The following RIMS2 variants were observed in gnomAD, a reference collection of about 807,000 sequenced individuals.
The protein encoded by RIMS2 is regulating synaptic membrane exocytosis 2, also known as regulating synaptic membrane exocytosis protein 2.
RIMS2 carries 59 observed loss-of-function variants against 174.4 expected under a neutral mutation model. The observed-to-expected ratio is 0.34, with a 90% CI of 0.27 to 0.42. RIMS2 has a LOEUF of 0.42. Among genes scored for constraint, RIMS2 ranks in the 10% least tolerant of loss-of-function variants. RIMS2 has a pLI of 1.00. For missense variants in RIMS2, 1,620 were observed against 1,666.3 expected (o/e 0.97, Z 0.48); for synonymous variants, 606 against 572.5 (o/e 1.06, Z -0.84).
At chr8:104,001,623 T>C (rs925477070) in intron 17 of RIMS2, among the ~76,000 whole-genome samples, 1 of 151,980 alleles carries the variant, frequency 6.6e-6, no homozygotes, top group African/African-American at 2.4e-5. Flanking sequence ...TTTTATCTTT[T>C]TTAAGGGACT....
chr8:103,586,707 C>A (rs908360457), intron 1 of RIMS2, among the ~76,000 whole-genome samples: 1 of 151,684 alleles, frequency 6.6e-6, no homozygotes, highest in African/African-American at 2.4e-5. Flanking sequence ...GCACACTGAA[C>A]CCAAAATTTG....
chr8:103,602,675 G>C (rs919064687), intron 1 of RIMS2, among the ~76,000 whole-genome samples: 2 of 152,186 alleles, frequency 1.3e-5, no homozygotes, highest in Admixed American at 1.3e-4. Context: ...TGGTGTATAT[G>C]TTCTACACTT....
intron 19 of RIMS2, chr8:104,093,576 T>G: frequency 6.3e-7 from 1 of 1,597,554 alleles, no homozygotes; most frequent in Non-Finnish European, 8.5e-7. Context: ...TAGTAGTGCT[T>G]CTCGTTTCAG....
chr8:103,956,610 T>C (rs557031806), intron 14 of RIMS2, among the ~76,000 whole-genome samples: 65 of 152,286 alleles, frequency 4.3e-4, no homozygotes, highest in African/African-American at 1.6e-3. Context: ...TCAAGATGGA[T>C]TAAAGACTTA....
At chr8:103,931,972 C>T (rs750475440) in intron 12 of RIMS2, among the ~76,000 whole-genome samples, 4 of 151,820 alleles carry the variant, frequency 2.6e-5, no homozygotes, top group Non-Finnish European at 5.9e-5. Context: ...ATTGTTCTAC[C>T]CTTATTTTTT....
intron 3 of RIMS2, among the ~76,000 whole-genome samples, chr8:103,867,634 G>C (rs1268296565): frequency 1.3e-5 from 2 of 151,804 alleles, no homozygotes; most frequent in African/African-American, 4.8e-5. Context: ...AAAATTAGTT[G>C]TTCTACTTAT....
intron 3 of RIMS2, among the ~76,000 whole-genome samples, chr8:103,816,038 A>G (rs2098716134): frequency 6.6e-6 from 1 of 152,162 alleles, no homozygotes; most frequent in African/African-American, 2.4e-5. Context: ...GTTCTGACAG[A>G]AGTCTCCAAT....
chr8:103,569,797 T>C (rs540041970), intron 1 of RIMS2, among the ~76,000 whole-genome samples: 1 of 151,862 alleles, frequency 6.6e-6, no homozygotes, highest in Admixed American at 6.6e-5. Context: ...TAATTTTTTT[T>C]TTTTTTTTGG....
At chr8:103,997,930 A>G (rs745346633) in intron 17 of RIMS2, among the ~76,000 whole-genome samples, 1 of 151,680 alleles carries the variant, frequency 6.6e-6, no homozygotes, top group Non-Finnish European at 1.5e-5. Context: ...AGGTGGTGCT[A>G]AAGATGTTTG....
chr8:103,850,514 A>C lies in RIMS2; in HGVS notation c.699-34784A>C, dbSNP rs185983941. Reference sequence around the variant, plus strand: ...TGTCTGATAGGAAGGATCATCTTCCAATGTAGCTCCTTGGTGCCTGTTTAG... The same window carrying C: ...TGTCTGATAGGAAGGATCATCTTCCCATGTAGCTCCTTGGTGCCTGTTTAG... On this transcript the variant is annotated intron_variant, in intron 3 of 23. Coordinates refer to ENST00000504942, the Ensembl canonical transcript of RIMS2. Among the ~76,000 whole-genome samples, 235 of 152,100 alleles carry C rather than the reference A, an allele frequency of 1.5e-3. 2 individuals are homozygous for C. The highest frequency in any genetic ancestry group is 5.1e-3 in the African/African-American group (212 of 41,534).
At chr8:104,117,495 C>G (rs2098297352) in intron 19 of RIMS2, among the ~76,000 whole-genome samples, 1 of 151,902 alleles carries the variant, frequency 6.6e-6, no homozygotes. Context: ...CTTGTGCCAC[C>G]ATGCCTGGCT....
chr8:104,025,330 A>G (rs2154555534), intron 19 of RIMS2, among the ~76,000 whole-genome samples: 1 of 152,222 alleles, frequency 6.6e-6, no homozygotes, highest in East Asian at 1.9e-4. Context: ...AAACAAAAAA[A>G]TTTAAAAATT....
intron 1 of RIMS2, among the ~76,000 whole-genome samples, chr8:103,613,404 A>G (rs2095432579): frequency 6.6e-6 from 1 of 152,080 alleles, no homozygotes; most frequent in Non-Finnish European, 1.5e-5. Context: ...GCTCTTCCAT[A>G]AAATTGTGGT....
At chr8:103,867,370 C>T (rs1403621024) in intron 3 of RIMS2, among the ~76,000 whole-genome samples, 1 of 151,606 alleles carries the variant, frequency 6.6e-6, no homozygotes, top group Non-Finnish European at 1.5e-5. Flanking sequence ...TATGTATTCT[C>T]ATTATGATAC....
chr8:104,222,547 G>A (rs1446014550), intron 19 of RIMS2, among the ~76,000 whole-genome samples: 1 of 152,190 alleles, frequency 6.6e-6, no homozygotes, highest in Non-Finnish European at 1.5e-5. Flanking sequence ...GAGGTGGGAT[G>A]ACTTGTCTCA....
intron 3 of RIMS2, among the ~76,000 whole-genome samples, chr8:103,868,908 G>A (rs2099096431): frequency 6.6e-6 from 1 of 151,784 alleles, no homozygotes; most frequent in Non-Finnish European, 1.5e-5. Context: ...TTATTAATTT[G>A]GCATATATGT....
intron 1 of RIMS2, among the ~76,000 whole-genome samples, chr8:103,576,315 C>G (rs962700385): frequency 1.3e-5 from 2 of 152,178 alleles, no homozygotes; most frequent in African/African-American, 2.4e-5. Context: ...GAAAGAAAAT[C>G]AACATGTAAA....
chr8:104,198,902 G>A (rs1197233599), intron 19 of RIMS2, among the ~76,000 whole-genome samples: 2 of 152,162 alleles, frequency 1.3e-5, no homozygotes, highest in Non-Finnish European at 2.9e-5. Flanking sequence ...TTTAATACAA[G>A]TTTTACATGG....
At chr8:104,054,667 C>T (rs1293493167) in intron 19 of RIMS2, among the ~76,000 whole-genome samples, 1 of 152,096 alleles carries the variant, frequency 6.6e-6, no homozygotes, top group Non-Finnish European at 1.5e-5. Context: ...GAGGAAATTA[C>T]TTTCACAAAT....
Sources: allele counts gnomAD v4.1 joint callset (sites outside exome capture counted in the v4.1 genomes callset), GRCh38; gene constraint gnomAD v4.1.1; transcripts MANE v1.5; gene names NCBI Gene and HGNC (gene_info 2026-07-23, HGNC 2026-07-21).